Variants in ADAP2 observed in about 807,000 individuals in gnomAD.
ADAP2 encodes the protein ArfGAP with dual PH domains 2.
Under a neutral mutation model 54.9 loss-of-function variants are expected in ADAP2, and 42 were observed. The observed-to-expected ratio is 0.77, with a 90% CI of 0.60 to 0.99. The LOEUF (loss-of-function observed/expected upper bound fraction) is 0.99. Among genes scored for constraint, ADAP2 ranks in the 50% least tolerant of loss-of-function variants. The probability of loss-of-function intolerance (pLI) is 0.00; values close to 1 mark genes in which losing one functional copy is unlikely to be tolerated. For synonymous variants in ADAP2, 177 were observed against 180.1 expected (o/e 0.98, Z 0.14); for missense variants, 429 against 480.4 (o/e 0.89, Z 1.00).
chr17:30,936,147 A>G (rs1157817512), intron 5 of ADAP2, among the ~76,000 whole-genome samples: 1 of 151,680 alleles, frequency 6.6e-6, no homozygotes, highest in East Asian at 1.9e-4. Context: ...ATTTTATTTT[A>G]CTATTTTATC....
At chr17:30,932,183 A>C (rs9891948) in intron 4 of ADAP2, among the ~76,000 whole-genome samples, 151,268 of 151,270 alleles carry the variant, frequency 1, 75,633 homozygotes, top group Non-Finnish European at 1. Flanking sequence ...CAGAGCTTCT[A>C]TGGTCTTTGT....
At chr17:30,943,234 G>A (rs566124184) in intron 5 of ADAP2, among the ~76,000 whole-genome samples, 102 of 151,996 alleles carry the variant, frequency 6.7e-4, no homozygotes, top group Middle Eastern at 6.8e-3. Flanking sequence ...GCGTGGTGGC[G>A]TATCCCTGTA....
At chr17:30,944,149 G>C (rs924063615) in intron 5 of ADAP2, among the ~76,000 whole-genome samples, 2 of 152,084 alleles carry the variant, frequency 1.3e-5, no homozygotes, top group African/African-American at 2.4e-5. Flanking sequence ...CCGAGATCAC[G>C]CCGTTGCACT....
chr17:30,958,046 G>T lies in ADAP2; in HGVS notation c.*177G>T. 2 of 641,042 alleles carry T rather than the reference G, an allele frequency of 3.1e-6. No homozygotes were observed. The highest frequency in any genetic ancestry group is 5.6e-6 in the Non-Finnish European group (2 of 355,288). 39.7% of individuals were successfully genotyped at this position (641,042 alleles called of 1,614,324 possible). ...TCCATCAGCTCCCTGGGCCTTCCCC[G>T]CAACCCACCTCGGGGATCTGAGGAT... On this transcript the variant is annotated 3_prime_UTR_variant, in exon 11 of 11. Coordinates refer to ENST00000330889, the MANE Select transcript of ADAP2 (RefSeq NM_018404.3).
chr17:30,954,450 C>T, intron 8 of ADAP2, 28 bp from the exon 9 acceptor site: 1 of 1,607,864 alleles, frequency 6.2e-7, no homozygotes, highest in African/African-American at 1.3e-5. Context: ...ACCTGGTCAT[C>T]TGTGGTAAGA....
intron 6 of ADAP2, 34 bp downstream of exon 6, chr17:30,945,087 G>A (rs188507848): frequency 3.4e-5 from 55 of 1,609,658 alleles, no homozygotes. Flanking sequence ...TCCGCCTCCA[G>A]CTCGCACCCC....
intron 3 of ADAP2, among the ~76,000 whole-genome samples, chr17:30,927,359 A>C (rs577304253): frequency 7.2e-5 from 11 of 152,226 alleles, no homozygotes; most frequent in Admixed American, 6.5e-4. Context: ...CAGGCCTGTA[A>C]TCCCAGCACT....
At chr17:30,932,962 C>A (rs990259222) in intron 4 of ADAP2, among the ~76,000 whole-genome samples, 1 of 152,172 alleles carries the variant, frequency 6.6e-6, no homozygotes, top group Non-Finnish European at 1.5e-5. Flanking sequence ...ATTCCTGGTG[C>A]AGCTCAAGAC....
intron 7 of ADAP2, among the ~76,000 whole-genome samples, chr17:30,951,498 A>T (rs76155952): frequency 0.051 from 7,778 of 151,626 alleles, 296 homozygotes; most frequent in African/African-American, 0.1. Context: ...TACATTAAAA[A>T]TTTTTTTTTA....
At chr17:30,939,516 A>T (rs1214088044) in intron 5 of ADAP2, among the ~76,000 whole-genome samples, 2 of 151,886 alleles carry the variant, frequency 1.3e-5, no homozygotes, top group East Asian at 3.9e-4. Flanking sequence ...TCACACCTGA[A>T]ATCCCAGCAC....
chr17:30,936,507 C>T (rs548712183), intron 5 of ADAP2, among the ~76,000 whole-genome samples: 7 of 152,100 alleles, frequency 4.6e-5, no homozygotes, highest in South Asian at 2.1e-4. Context: ...GGTATGAAGT[C>T]GTATCTCATT....
At position 30,956,478 on chromosome 17, in the gene ADAP2, C is replaced by G; in HGVS notation, c.1111+9C>G. The stretch of plus-strand genomic sequence containing the variant: ...GCCCCTCAACCGGCTTAGTAAGAAG[C>G]AGGAACTGAGGGGTGTTCTTTTGGA... On this transcript the variant is annotated intron_variant, in intron 10 of 10. Transcript: ENST00000330889. 1.2e-6 allele frequency: 2 copies of G among 1,613,500 alleles called. No homozygotes were observed. Among genetic ancestry groups the G allele is most frequent in the Non-Finnish European group, 1.7e-6 (2 of 1,179,542 alleles).
intron 5 of ADAP2, among the ~76,000 whole-genome samples, chr17:30,940,309 A>ATTT (rs111307318): frequency 0.047 from 6,799 of 143,992 alleles, 527 homozygotes; most frequent in African/African-American, 0.16. Context: ...CCCTTTACAG[A>ATTT]TTTTTTTTTT....
chr17:30,931,104 G>T (rs1911443480), intron 3 of ADAP2, among the ~76,000 whole-genome samples: 1 of 152,120 alleles, frequency 6.6e-6, no homozygotes, highest in Non-Finnish European at 1.5e-5. Context: ...GACTTCATGG[G>T]CAGGTACAGG....
At chr17:30,924,600 T>C (rs755506583) in intron 2 of ADAP2, among the ~76,000 whole-genome samples, 7 of 151,888 alleles carry the variant, frequency 4.6e-5, no homozygotes, top group Non-Finnish European at 7.4e-5. Flanking sequence ...TGGCTGAGGG[T>C]TTCCAGGACT....
intron 9 of ADAP2, among the ~76,000 whole-genome samples, chr17:30,955,395 T>C (rs1473386788): frequency 6.6e-6 from 1 of 151,638 alleles, no homozygotes; most frequent in Non-Finnish European, 1.5e-5. Context: ...CTGTGCAACA[T>C]AGTGAGATCC....
intron 2 of ADAP2, among the ~76,000 whole-genome samples, chr17:30,925,174 G>A (rs189983044): frequency 1.2e-4 from 17 of 145,274 alleles, no homozygotes; most frequent in Admixed American, 7.6e-4. Flanking sequence ...GTGAGCCACC[G>A]TGCCCAGCAT....
intron 5 of ADAP2, among the ~76,000 whole-genome samples, chr17:30,939,789 A>AT (rs1912137199): frequency 6.6e-6 from 1 of 151,372 alleles, no homozygotes; most frequent in Non-Finnish European, 1.5e-5. Context: ...AAAAAAAAAA[A>AT]GGTATTGGAC....
Position 30,934,200 on chromosome 17 carries a change from T to A in ADAP2, c.413T>A (p.Phe138Tyr). ...TISLPGNREG[F>Y]LWKRGRDNSQ... Reference sequence around the variant, plus strand: ...GCTGCTTAAGGTAACCGAGAAGGATTCCTGTGGAAGCGAGGAAGGGACAAC... The same window carrying A: ...GCTGCTTAAGGTAACCGAGAAGGATACCTGTGGAAGCGAGGAAGGGACAAC... The change falls in exon 5 of 11, where the codon TTC becomes TAC. Residue 138 changes from phenylalanine to tyrosine, a missense_variant. By Grantham distance (22) the Phe-to-Tyr change is conservative. Transcript: ENST00000330889. 6.2e-7 allele frequency: 1 copy of A among 1,614,064 alleles called. No homozygotes were observed. Among genetic ancestry groups the A allele is most frequent in the Non-Finnish European group, 8.5e-7 (1 of 1,179,956 alleles).
Sources: allele counts gnomAD v4.1 joint callset (sites outside exome capture counted in the v4.1 genomes callset), GRCh38; gene constraint gnomAD v4.1.1; transcripts MANE v1.5; gene names NCBI Gene and HGNC (gene_info 2026-07-23, HGNC 2026-07-21).